NF1: variants seen among roughly 807,000 people sequenced by gnomAD.
NF1 encodes the protein neurofibromin.
NF1 carries 122 observed loss-of-function variants against 325.7 expected under a neutral mutation model. The observed-to-expected ratio is 0.37, with a 90% CI of 0.32 to 0.44. The LOEUF (loss-of-function observed/expected upper bound fraction) is 0.44, where lower values mean the gene tolerates loss of function less well. NF1 is among the 20% of genes least tolerant of loss of function. NF1 has a pLI of 1.00. For synonymous variants in NF1, 1,091 were observed against 1,186.0 expected (o/e 0.92, Z 1.65); for missense variants, 2,140 against 3,415.4 (o/e 0.63, Z 9.31).
chr17:31,268,972 C>G (rs927111466), intron 36 of NF1, among the ~76,000 whole-genome samples: 5 of 152,044 alleles, frequency 3.3e-5, no homozygotes, highest in Non-Finnish European at 7.4e-5. Flanking sequence ...TCCTAAAGTG[C>G]TGGAATTACA....
chr17:31,333,662 G>A (rs1597838357), intron 39 of NF1, among the ~76,000 whole-genome samples: 1 of 152,286 alleles, frequency 6.6e-6, no homozygotes, highest in Admixed American at 6.5e-5. Flanking sequence ...ATAATATGAA[G>A]CCATTGAAAA....
chr17:31,342,992 A>ATGAT lies in NF1; in HGVS notation c.7063-15_7063-12dup. The ATGAT allele has an allele frequency of 6.2e-7, 1 of 1,609,768 alleles. No homozygotes were observed. Among genetic ancestry groups the ATGAT allele is most frequent in the Non-Finnish European group, 8.5e-7 (1 of 1,176,434 alleles). On this transcript the variant is annotated splice_polypyrimidine_tract_variant and intron_variant, in intron 47 of 57. Transcript: ENST00000358273. The stretch of plus-strand genomic sequence containing the variant: ...CTGTGTGAACCTCATCAACCATCTC[A>ATGAT]TGATTATCTTTAATAGAGTCCAGAG...
At chr17:31,280,878 T>C (rs1023868368) in intron 36 of NF1, among the ~76,000 whole-genome samples, 1 of 151,704 alleles carries the variant, frequency 6.6e-6, no homozygotes, top group African/African-American at 2.4e-5. Context: ...CTATATTATT[T>C]ATTCAGTATT....
chr17:31,304,783 T>C, intron 36 of NF1: 1 of 1,614,108 alleles, frequency 6.2e-7, no homozygotes, highest in Non-Finnish European at 8.5e-7. Context: ...TTTGCTTGGT[T>C]TCCAGGGTGT....
At chr17:31,337,324 A>T in intron 42 of NF1, 44 bp from the exon 43 acceptor site, 3 of 1,457,972 alleles carry the variant, frequency 2.1e-6, no homozygotes, top group Non-Finnish European at 2.9e-6. Flanking sequence ...AGAAATTAAA[A>T]AGTAATATTT....
intron 51 of NF1, 90 bp from the exon 52 acceptor site, chr17:31,356,370 A>C: frequency 7.2e-7 from 1 of 1,398,322 alleles, no homozygotes; most frequent in Non-Finnish European, 1.0e-6. Flanking sequence ...AAGCTTAAAC[A>C]CTTTATGTCC....
chr17:31,186,518 G>T (rs1374273193), intron 8 of NF1, among the ~76,000 whole-genome samples: 1 of 152,222 alleles, frequency 6.6e-6, no homozygotes, highest in Non-Finnish European at 1.5e-5. Context: ...GCTGGAGCCA[G>T]TGGTTTGGCT....
intron 36 of NF1, among the ~76,000 whole-genome samples, chr17:31,310,436 G>T (rs2068840302): frequency 6.6e-6 from 1 of 151,880 alleles, no homozygotes; most frequent in Non-Finnish European, 1.5e-5. Context: ...TTGGGGGTGG[G>T]GGGAGATGAT....
rs1161009317 is a variant in NF1, at chr17:31,336,790, C to T, written c.6303C>T (p.Pro2101=). ...CCCTTGATGTGGCAGCTCATCTTCC[C>T]TACCTCTTCCACGTTGTTACTTTCT... is the stretch of plus-strand genomic sequence containing the variant. ...NNSLDVAAHL[P]YLFHVVTFLV... Residue 2101 remains proline (P), a synonymous_variant, in exon 42 of 58, where the codon CCC becomes CCT. Coordinates refer to ENST00000358273, the MANE Select transcript of NF1 (RefSeq NM_001042492.3). The surrounding 1 kb of genome is among the most constrained non-coding windows in gnomAD (Gnocchi z 5.5). 1.2e-6 allele frequency: 2 copies of T among 1,614,116 alleles called. No individual in the cohort carries two copies. Among genetic ancestry groups the T allele is most frequent in the Non-Finnish European group, 1.7e-6 (2 of 1,180,020 alleles).
chr17:31,293,926 A>G (rs139738109), intron 36 of NF1, among the ~76,000 whole-genome samples: 1 of 152,260 alleles, frequency 6.6e-6, no homozygotes, highest in African/African-American at 2.4e-5. Context: ...TTCTAGTTGG[A>G]GTTCCAGTGT....
At chr17:31,273,211 T>C (rs1171725059) in intron 36 of NF1, among the ~76,000 whole-genome samples, 2 of 152,236 alleles carry the variant, frequency 1.3e-5, no homozygotes, top group South Asian at 2.1e-4. Flanking sequence ...TTTAAGGTTT[T>C]AGTTTAGGTC....
At chr17:31,175,345 CTTTTTTT>C (rs869113407) in intron 5 of NF1, among the ~76,000 whole-genome samples, 18 of 71,344 alleles carry the variant, frequency 2.5e-4, no homozygotes, top group African/African-American at 8.0e-4. Context: ...TGTGCTTTTG[CTTTTTTT>C]TTTTTTTTTT....
chr17:31,322,355 C>CA (rs2069224173), intron 36 of NF1, among the ~76,000 whole-genome samples: 1 of 151,532 alleles, frequency 6.6e-6, no homozygotes. Flanking sequence ...TAGCATGCAC[C>CA]TGTAGTCCCA....
chr17:31,321,279 C>T (rs927182701), intron 36 of NF1, among the ~76,000 whole-genome samples: 3 of 152,068 alleles, frequency 2.0e-5, no homozygotes, highest in East Asian at 1.9e-4. Context: ...TTAGATCCTT[C>T]GTAATCCTAA....
rs535933665 is a variant in NF1 at position 31,263,074 on chromosome 17, G to C, written c.4724+1217G>C. ...AGGTAGGTAGGTAGGTAGGTAGATA[G>C]ATAGGTAGGTAGGTAGGTAGGTAGG... On this transcript the variant is annotated intron_variant, in intron 35 of 57. Coordinates refer to ENST00000358273, the MANE Select transcript of NF1 (RefSeq NM_001042492.3). 7.6e-3 allele frequency among the ~76,000 whole-genome samples: 1,048 copies of C among 138,370 alleles called. 10 individuals carry two copies. Among genetic ancestry groups the C allele is most frequent in the African/African-American group, 0.025 (915 of 35,946 alleles). The allele number at this position is 138,370 out of a possible 152,430, so 90.8% of individuals were successfully genotyped here.
At chr17:31,333,339 G>A (rs928130613) in intron 39 of NF1, among the ~76,000 whole-genome samples, 2 of 152,128 alleles carry the variant, frequency 1.3e-5, no homozygotes, top group Non-Finnish European at 2.9e-5. Flanking sequence ...TTTTTATGTA[G>A]ATTTTTAAAT....
At chr17:31,224,962 T>G in intron 16 of NF1, 133 bp from the exon 17 acceptor site, 1 of 884,876 alleles carries the variant, frequency 1.1e-6, no homozygotes, top group East Asian at 2.4e-5. Context: ...GTGAATCTCC[T>G]TCAAGTTGGG....
At position 31,095,131 on chromosome 17, in the gene NF1, C is replaced by T; in HGVS notation, c.-179C>T. 4.8e-6 allele frequency: 2 copies of T among 413,078 alleles called. No homozygotes were observed. The highest frequency in any genetic ancestry group is 1.1e-4 in the East Asian group (2 of 17,966). The allele number at this position is 413,078 out of a possible 1,614,324, so 25.6% of individuals were successfully genotyped here. A position where few individuals can be genotyped will look rare whatever the true frequency, so the allele number is the denominator to read the frequency against. ...CTCCTTGCCAACGCCCCCTTTCCCT[C>T]TCCCCCTCCCGCTCGGCGCTGACCC... On this transcript the variant is annotated 5_prime_UTR_variant, in exon 1 of 58. Coordinates refer to ENST00000358273, the MANE Select transcript of NF1 (RefSeq NM_001042492.3).
intron 36 of NF1, among the ~76,000 whole-genome samples, chr17:31,298,772 A>C (rs1049710539): frequency 6.6e-6 from 1 of 152,226 alleles, no homozygotes; most frequent in African/African-American, 2.4e-5. Context: ...ATATTGTGGA[A>C]ATAGGGAATG....
Sources: allele counts gnomAD v4.1 joint callset (sites outside exome capture counted in the v4.1 genomes callset), GRCh38; gene constraint gnomAD v4.1.1; non-coding constraint Gnocchi (gnomAD v3.1); transcripts MANE v1.5; gene names NCBI Gene and HGNC (gene_info 2026-07-23, HGNC 2026-07-21).